The following COL23A1 variants were observed in gnomAD, a reference collection of about 807,000 sequenced individuals.
COL23A1 encodes collagen type XXIII alpha 1 chain, also known as collagen alpha-1(XXIII) chain.
In COL23A1, 97 loss-of-function variants were observed where a neutral mutation model predicts 99.3. The observed-to-expected ratio is 0.98, with a 90% CI of 0.83 to 1.16. The LOEUF (loss-of-function observed/expected upper bound fraction) is 1.16. Among genes scored for constraint, COL23A1 ranks in the 50% most tolerant of loss-of-function variants. COL23A1 has a pLI of 0.00. For synonymous variants in COL23A1, 320 were observed against 308.2 expected, an observed-to-expected ratio of 1.04 and a Z score of -0.40; for missense variants, 762 against 757.4, an observed-to-expected ratio of 1.01 and a Z score of -0.07.
At chr5:178,263,395 A>G in intron 8 of COL23A1, 71 bp from the exon 9 acceptor site, 1 of 969,226 alleles carries the variant, frequency 1.0e-6, no homozygotes, top group Non-Finnish European at 1.6e-6. Flanking sequence ...GCTCCCTCAG[A>G]TGGGCAGCCC....
chr5:178,239,261 G>A (rs1163129251), intron 27 of COL23A1, 82 bp from the exon 28 acceptor site: 2 of 1,505,374 alleles, frequency 1.3e-6, no homozygotes, highest in Non-Finnish European at 1.8e-6. Flanking sequence ...CTGGTCTGTA[G>A]GGAGGTGCAG....
chr5:178,373,067 G>A (rs1046329966), intron 2 of COL23A1, among the ~76,000 whole-genome samples: 5 of 151,266 alleles, frequency 3.3e-5, no homozygotes, highest in East Asian at 4.0e-4. Context: ...TACAGCTTCA[G>A]ATTTCTGAGA....
At chr5:178,521,784 G>A (rs1759960116) in intron 2 of COL23A1, among the ~76,000 whole-genome samples, 1 of 152,192 alleles carries the variant, frequency 6.6e-6, no homozygotes, top group Non-Finnish European at 1.5e-5. Context: ...CAATGTATAT[G>A]AAATATCTAG....
intron 2 of COL23A1, among the ~76,000 whole-genome samples, chr5:178,474,690 T>C (rs1410513626): frequency 6.6e-6 from 1 of 152,226 alleles, no homozygotes; most frequent in Non-Finnish European, 1.5e-5. Flanking sequence ...AGTCCTTTTT[T>C]CCAGGCACCA....
At chr5:178,411,925 G>A (rs543221361) in intron 2 of COL23A1, among the ~76,000 whole-genome samples, 4 of 152,356 alleles carry the variant, frequency 2.6e-5, no homozygotes, top group Middle Eastern at 3.4e-3. Flanking sequence ...AAACTTGTGT[G>A]TAATGTTACT....
intron 2 of COL23A1, among the ~76,000 whole-genome samples, chr5:178,441,432 A>G (rs910407436): frequency 2.0e-5 from 3 of 152,156 alleles, no homozygotes; most frequent in Admixed American, 6.5e-5. Context: ...TGCAAAATCA[A>G]AGTGTGGGAC....
chr5:178,254,933 C>T lies in COL23A1; in HGVS notation c.960+16G>A. On this transcript the variant is annotated intron_variant, in intron 16 of 28. Coordinates refer to ENST00000390654, the MANE Select transcript of COL23A1 (RefSeq NM_173465.4). ...ATCGTATCTAAGGCACATCCTGGTC[C>T]CACCAGGAACACTACCTTGAGGGCA... 6.3e-7 allele frequency: 1 copy of T among 1,595,840 alleles called. No individual in the cohort carries two copies. Among genetic ancestry groups the T allele is most frequent in the Non-Finnish European group, 8.6e-7 (1 of 1,165,944 alleles).
chr5:178,247,743 C>G, intron 21 of COL23A1, 32 bp downstream of exon 21: 6 of 1,610,678 alleles, frequency 3.7e-6, no homozygotes, highest in Non-Finnish European at 5.1e-6. Flanking sequence ...TTCCTGGCTG[C>G]TTCAAACCAA....
At chr5:178,341,991 A>AC (rs1274315005) in intron 2 of COL23A1, among the ~76,000 whole-genome samples, 1 of 151,964 alleles carries the variant, frequency 6.6e-6, no homozygotes, top group Admixed American at 6.6e-5. Context: ...TAACACACCG[A>AC]CCTTCGGACC....
chr5:178,487,193 C>T (rs774228077), intron 2 of COL23A1, among the ~76,000 whole-genome samples: 5 of 152,132 alleles, frequency 3.3e-5, no homozygotes, highest in Non-Finnish European at 7.3e-5. Context: ...CAGGCTGGGG[C>T]CAGGTCCAAG....
chr5:178,349,292 T>C (rs1489150417), intron 2 of COL23A1, among the ~76,000 whole-genome samples: 1 of 152,000 alleles, frequency 6.6e-6, no homozygotes, highest in Non-Finnish European at 1.5e-5. Flanking sequence ...CTGAAAGATG[T>C]GACAGAGGTC....
At chr5:178,471,491 G>T (rs1404193313) in intron 2 of COL23A1, among the ~76,000 whole-genome samples, 1 of 151,066 alleles carries the variant, frequency 6.6e-6, no homozygotes, top group South Asian at 2.1e-4. Context: ...TACCCGCCTC[G>T]GCCTCCCAAA....
chr5:178,476,871 T>A (rs969577410), intron 2 of COL23A1, among the ~76,000 whole-genome samples: 3 of 152,234 alleles, frequency 2.0e-5, no homozygotes, highest in Non-Finnish European at 4.4e-5. Flanking sequence ...GTGAGAACAC[T>A]AAGACTCACA....
At chr5:178,305,344 G>A (rs547647396) in intron 3 of COL23A1, among the ~76,000 whole-genome samples, 1 of 152,094 alleles carries the variant, frequency 6.6e-6, no homozygotes, top group South Asian at 2.1e-4. Context: ...CAGAAAGCCT[G>A]CGCCCAGCTC....
chr5:178,502,645 C>T (rs1277518679), intron 2 of COL23A1, among the ~76,000 whole-genome samples: 1 of 152,122 alleles, frequency 6.6e-6, no homozygotes, highest in Non-Finnish European at 1.5e-5. Flanking sequence ...TGTGGAGCAA[C>T]AGGAAGTCTT....
chr5:178,585,636 TCC>T (rs1763932697), intron 1 of COL23A1, among the ~76,000 whole-genome samples: 153 of 3,732 alleles, frequency 0.041, 1 homozygote, highest in East Asian at 0.068. Flanking sequence ...GGGGTAACAC[TCC>T]ACAGCCCTGG....
chr5:178,470,647 G>A (rs1451501992), intron 2 of COL23A1, among the ~76,000 whole-genome samples: 1 of 152,214 alleles, frequency 6.6e-6, no homozygotes, highest in African/African-American at 2.4e-5. Context: ...CGAGGCCATG[G>A]GGGAAACACC....
chr5:178,478,790 G>C (rs959970523), intron 2 of COL23A1, among the ~76,000 whole-genome samples: 6 of 152,112 alleles, frequency 3.9e-5, no homozygotes, highest in Admixed American at 2.6e-4. Flanking sequence ...CCTTTTGAGG[G>C]TACCAGAGCC....
chr5:178,391,234 G>A (rs531276017), intron 2 of COL23A1, among the ~76,000 whole-genome samples: 20 of 152,298 alleles, frequency 1.3e-4, no homozygotes, highest in South Asian at 2.1e-4. Context: ...TGTTTTCCAC[G>A]AAACCAGTCC....
Sources: gnomAD v4.1 joint callset for allele counts (sites outside exome capture counted in the v4.1 genomes callset) on GRCh38, gnomAD v4.1.1 for gene constraint, MANE v1.5 for transcripts, NCBI Gene and HGNC (gene_info 2026-07-23, HGNC 2026-07-21) for gene names.